LRFN5: variants seen among roughly 807,000 people sequenced by gnomAD.
The protein encoded by LRFN5 is leucine rich repeat and fibronectin type III domain containing 5.
Under a neutral mutation model 45.6 loss-of-function variants are expected in LRFN5, and 24 were observed. The observed-to-expected ratio is 0.53, with a 90% CI of 0.38 to 0.74. LRFN5 has a LOEUF of 0.74. LRFN5 is among the 30% of genes least tolerant of loss of function. The probability of loss-of-function intolerance (pLI) is 0.00; values close to 1 mark genes in which losing one functional copy is unlikely to be tolerated. For synonymous variants in LRFN5, 340 were observed against 313.8 expected, an observed-to-expected ratio of 1.08 and a Z score of -0.88; for missense variants, 776 against 861.5, an observed-to-expected ratio of 0.90 and a Z score of 1.24.
intron 1 of LRFN5, among the ~76,000 whole-genome samples, chr14:41,616,698 C>A (rs749504827): frequency 1.3e-5 from 2 of 152,176 alleles, no homozygotes; most frequent in Admixed American, 1.3e-4. Flanking sequence ...TCAGCATTAT[C>A]CATAGTCTTG....
At chr14:41,612,712 T>C (rs1887797104) in intron 1 of LRFN5, among the ~76,000 whole-genome samples, 1 of 152,114 alleles carries the variant, frequency 6.6e-6, no homozygotes, top group African/African-American at 2.4e-5. Flanking sequence ...GCTGTATAAT[T>C]TGTTCATTAC....
chr14:41,805,390 T>TTTTTTTTA (rs1887484683), intron 2 of LRFN5, among the ~76,000 whole-genome samples: 2 of 146,132 alleles, frequency 1.4e-5, no homozygotes, highest in Non-Finnish European at 3.0e-5. Flanking sequence ...ATAAGTTTTA[T>TTTTTTTTA]TTTATTTATT....
chr14:41,658,384 T>C (rs1372104597), intron 1 of LRFN5, among the ~76,000 whole-genome samples: 1 of 151,998 alleles, frequency 6.6e-6, no homozygotes, highest in Non-Finnish European at 1.5e-5. Context: ...TAATCATGAC[T>C]TAATTAATAC....
At chr14:41,713,681 A>G (rs1883374900) in intron 1 of LRFN5, among the ~76,000 whole-genome samples, 1 of 152,136 alleles carries the variant, frequency 6.6e-6, no homozygotes. Flanking sequence ...GTGAGATACC[A>G]TTTCAAATAT....
chr14:41,695,271 A>T (rs1272153181), intron 1 of LRFN5, among the ~76,000 whole-genome samples: 2 of 151,984 alleles, frequency 1.3e-5, no homozygotes, highest in African/African-American at 4.8e-5. Context: ...CATGAGACTT[A>T]TAGAAAGAAG....
At chr14:41,719,240 T>C (rs17181608) in intron 1 of LRFN5, among the ~76,000 whole-genome samples, 25,494 of 152,112 alleles carry the variant, frequency 0.17, 2,316 homozygotes, top group Non-Finnish European at 0.22. Flanking sequence ...CTTATATGTC[T>C]ATTTATGAAA....
At chr14:41,801,096 G>T (rs1887314851) in intron 2 of LRFN5, among the ~76,000 whole-genome samples, 1 of 151,928 alleles carries the variant, frequency 6.6e-6, no homozygotes, top group Admixed American at 6.6e-5. Flanking sequence ...TAATATACAT[G>T]TGAAAATATT....
intron 2 of LRFN5, among the ~76,000 whole-genome samples, chr14:41,778,858 A>G (rs1291027263): frequency 1.3e-5 from 2 of 151,754 alleles, no homozygotes; most frequent in Admixed American, 1.3e-4. Flanking sequence ...TCTTGTACAT[A>G]TTTTGTTAAG....
At chr14:41,879,047 A>C (rs1209949838) in intron 2 of LRFN5, among the ~76,000 whole-genome samples, 2 of 152,124 alleles carry the variant, frequency 1.3e-5, no homozygotes, top group East Asian at 3.9e-4. Context: ...CATTACTTAG[A>C]GGTCTCACAC....
intron 2 of LRFN5, among the ~76,000 whole-genome samples, chr14:41,787,855 C>G (rs1886783973): frequency 6.6e-6 from 1 of 151,912 alleles, no homozygotes; most frequent in Non-Finnish European, 1.5e-5. Context: ...GCACTAACCC[C>G]TAGTGTCATG....
chr14:41,882,269 A>T (rs938361812), intron 2 of LRFN5, among the ~76,000 whole-genome samples: 2 of 151,904 alleles, frequency 1.3e-5, no homozygotes, highest in African/African-American at 4.8e-5. Flanking sequence ...CCCACAGTCT[A>T]CGAAGGTGGA....
intron 1 of LRFN5, among the ~76,000 whole-genome samples, chr14:41,737,436 C>A (rs1471097379): frequency 1.3e-5 from 2 of 152,010 alleles, no homozygotes; most frequent in Admixed American, 1.3e-4. Context: ...CTTTGAAAAC[C>A]GGCACAAGAC....
chr14:41,772,308 T>G (rs767058828), intron 2 of LRFN5, among the ~76,000 whole-genome samples: 2 of 152,108 alleles, frequency 1.3e-5, no homozygotes, highest in African/African-American at 4.8e-5. Context: ...GAGACAAACA[T>G]CCAAACCATA....
intron 2 of LRFN5, among the ~76,000 whole-genome samples, chr14:41,873,169 C>T (rs918943495): frequency 8.5e-5 from 13 of 152,152 alleles, no homozygotes; most frequent in South Asian, 2.1e-4. Context: ...TTTTGTTAAA[C>T]AGTTTGTATT....
chr14:41,625,611 T>C (rs1242262671), intron 1 of LRFN5, among the ~76,000 whole-genome samples: 6 of 152,296 alleles, frequency 3.9e-5, no homozygotes, highest in African/African-American at 1.4e-4. Context: ...GTTGAACAGG[T>C]AAACTGTAAT....
intron 1 of LRFN5, among the ~76,000 whole-genome samples, chr14:41,649,723 G>T (rs180834235): frequency 9.9e-5 from 15 of 152,180 alleles, no homozygotes; most frequent in Admixed American, 2.6e-4. Context: ...ATCCTGTTAG[G>T]TGGGTTTAAC....
chr14:41,685,609 A>G (rs1472503328), intron 1 of LRFN5, among the ~76,000 whole-genome samples: 2 of 152,176 alleles, frequency 1.3e-5, no homozygotes, highest in Non-Finnish European at 2.9e-5. Flanking sequence ...TTTTACATAC[A>G]GGTCTCTAAT....
intron 2 of LRFN5, among the ~76,000 whole-genome samples, chr14:41,859,477 T>A (rs573341907): frequency 6.6e-6 from 1 of 152,306 alleles, no homozygotes; most frequent in South Asian, 2.1e-4. Context: ...ACACCTTCTT[T>A]ATTGTAACAA....
At chr14:41,642,496 A>T (rs574539916) in intron 1 of LRFN5, among the ~76,000 whole-genome samples, 1 of 152,180 alleles carries the variant, frequency 6.6e-6, no homozygotes, top group Non-Finnish European at 1.5e-5. Flanking sequence ...TTGCAAATTG[A>T]GGTAATGCAT....
Sources: gnomAD v4.1 joint callset for allele counts (sites outside exome capture counted in the v4.1 genomes callset) on GRCh38, gnomAD v4.1.1 for gene constraint, MANE v1.5 for transcripts, NCBI Gene and HGNC (gene_info 2026-07-23, HGNC 2026-07-21) for gene names.